CNTN1: variants seen among roughly 807,000 people sequenced by gnomAD.
CNTN1 encodes the protein contactin 1.
A neutral mutation model predicts 126.4 loss-of-function variants in CNTN1; 38 were observed. The ratio of observed to expected loss-of-function variants is 0.30; its 90% CI spans 0.23 to 0.39. The LOEUF is 0.39. Among genes scored for constraint, CNTN1 ranks in the 10% least tolerant of loss-of-function variants. CNTN1 has a pLI of 1.00. For synonymous variants in CNTN1, 413 were observed against 422.6 expected, an observed-to-expected ratio of 0.98 and a Z score of 0.28; for missense variants, 1,009 against 1,248.4, an observed-to-expected ratio of 0.81 and a Z score of 2.89.
chr12:40,767,617 TTTGTTTGTTTG>T (rs1565707517), intron 1 of CNTN1, among the ~76,000 whole-genome samples: 1 of 24,612 alleles, frequency 4.1e-5, no homozygotes, highest in African/African-American at 1.6e-4. Flanking sequence ...CCTTTTTTTG[TTTGTTTGTTTG>T]TTTGTTTGTT....
intron 17 of CNTN1, among the ~76,000 whole-genome samples, chr12:41,006,741 C>G (rs1054367524): frequency 6.6e-6 from 1 of 152,206 alleles, no homozygotes; most frequent in Non-Finnish European, 1.5e-5. Flanking sequence ...AATATTTCAT[C>G]TCTTTGAAAT....
intron 1 of CNTN1, among the ~76,000 whole-genome samples, chr12:40,849,948 T>C (rs1304856334): frequency 6.6e-6 from 1 of 152,022 alleles, no homozygotes; most frequent in Non-Finnish European, 1.5e-5. Flanking sequence ...CTGTATTCTG[T>C]GAAACATAGA....
At chr12:40,696,224 C>T (rs1941449286) in intron 1 of CNTN1, among the ~76,000 whole-genome samples, 1 of 152,220 alleles carries the variant, frequency 6.6e-6, no homozygotes, top group Admixed American at 6.5e-5. Context: ...CATCAATAGG[C>T]ATCATTCCTA....
At chr12:40,810,613 T>G (rs1941026003) in intron 1 of CNTN1, among the ~76,000 whole-genome samples, 2 of 151,670 alleles carry the variant, frequency 1.3e-5, no homozygotes, top group Non-Finnish European at 2.9e-5. Context: ...TTTTTTAGAT[T>G]TCACATATAA....
chr12:41,019,793 A>G (rs1017881488), intron 19 of CNTN1, among the ~76,000 whole-genome samples: 1 of 152,150 alleles, frequency 6.6e-6, no homozygotes, highest in Non-Finnish European at 1.5e-5. Context: ...GCTTGAACAT[A>G]AAAAGGGAAG....
intron 15 of CNTN1, chr12:40,971,989 CT>C (rs1305080785): frequency 1.0e-6 from 1 of 1,000,642 alleles, no homozygotes; most frequent in Non-Finnish European, 1.2e-6. Context: ...CTCCGGCAGT[CT>C]TTTTTTCTTA....
rs1304322874 is a variant in CNTN1 at position 41,071,010 on chromosome 12, T to G, written c.*975T>G. The stretch of plus-strand genomic sequence containing the variant: ...GCTTCATTCCTAAGTATTACGTTTC[T>G]TTATTGCAGATGTCAGATCAAAAAG... On this transcript the variant is annotated 3_prime_UTR_variant, in exon 24 of 24. Transcript: ENST00000551295. 6.6e-6 allele frequency: 1 copy of G among 152,040 alleles called. No homozygotes were observed. Among genetic ancestry groups the G allele is most frequent in the East Asian group, 1.9e-4 (1 of 5,196 alleles). 9.4% of individuals were successfully genotyped at this position (152,040 alleles called of 1,614,324 possible).
At chr12:40,824,616 A>G (rs901479412) in intron 1 of CNTN1, among the ~76,000 whole-genome samples, 5 of 152,142 alleles carry the variant, frequency 3.3e-5, no homozygotes, top group African/African-American at 1.2e-4. Context: ...CTAAAGAAAG[A>G]TAGATATTTA....
intron 6 of CNTN1, among the ~76,000 whole-genome samples, chr12:40,927,336 A>C (rs1945730909): frequency 6.6e-6 from 1 of 152,098 alleles, no homozygotes; most frequent in Non-Finnish European, 1.5e-5. Context: ...CCTTGAAAGA[A>C]CTAGATCAGG....
chr12:40,930,050 A>T (rs1945830535), intron 7 of CNTN1, 48 bp downstream of exon 7: 2 of 1,327,484 alleles, frequency 1.5e-6, no homozygotes, highest in Non-Finnish European at 2.2e-6. Flanking sequence ...TTATCTACAT[A>T]TGGTATACTT....
At chr12:40,984,545 T>C (rs1947906444) in intron 16 of CNTN1, among the ~76,000 whole-genome samples, 1 of 152,124 alleles carries the variant, frequency 6.6e-6, no homozygotes, top group African/African-American at 2.4e-5. Flanking sequence ...TAACAATCAG[T>C]TCTTGCATGA....
chr12:40,746,996 C>T (rs1326888182), intron 1 of CNTN1, among the ~76,000 whole-genome samples: 1 of 152,026 alleles, frequency 6.6e-6, no homozygotes, highest in African/African-American at 2.4e-5. Flanking sequence ...CTGATGGTTG[C>T]CTGACATTCC....
intron 15 of CNTN1, chr12:40,972,624 A>G: frequency 1.1e-6 from 1 of 906,640 alleles, no homozygotes; most frequent in Non-Finnish European, 1.3e-6. Context: ...TCTCTGGCTC[A>G]AGATGTTACT....
chr12:40,854,006 C>T (rs1443186374), intron 1 of CNTN1, among the ~76,000 whole-genome samples: 2 of 148,588 alleles, frequency 1.3e-5, no homozygotes, highest in Non-Finnish European at 3.0e-5. Flanking sequence ...CTTTTTTCAA[C>T]ACTTCTTTTA....
chr12:40,823,315 C>A (rs1176461268), intron 1 of CNTN1, among the ~76,000 whole-genome samples: 3 of 152,162 alleles, frequency 2.0e-5, no homozygotes, highest in Non-Finnish European at 4.4e-5. Flanking sequence ...CAGCTTGATG[C>A]AGTGAAAGAG....
At chr12:40,921,759 A>C (rs1050851138) in intron 4 of CNTN1, among the ~76,000 whole-genome samples, 2 of 152,194 alleles carry the variant, frequency 1.3e-5, no homozygotes, top group Non-Finnish European at 2.9e-5. Flanking sequence ...ACTGACCTCT[A>C]GTGGTCAGAA....
intron 1 of CNTN1, among the ~76,000 whole-genome samples, chr12:40,777,607 GA>G (rs1335404985): frequency 6.6e-6 from 1 of 151,644 alleles, no homozygotes; most frequent in Non-Finnish European, 1.5e-5. Context: ...AATTTTTTAA[GA>G]AAAATATATT....
intron 17 of CNTN1, among the ~76,000 whole-genome samples, chr12:40,993,501 A>G (rs2120508119): frequency 6.6e-6 from 1 of 152,166 alleles, no homozygotes; most frequent in East Asian, 1.9e-4. Context: ...TTAAGAATAT[A>G]TTAATTAAGA....
At chr12:41,021,992 A>T (rs917980367) in intron 20 of CNTN1, among the ~76,000 whole-genome samples, 10 of 152,106 alleles carry the variant, frequency 6.6e-5, no homozygotes, top group Non-Finnish European at 1.3e-4. Context: ...AAAAAGGATA[A>T]TTTAACATAT....
Sources: gnomAD v4.1 joint callset for allele counts (sites outside exome capture counted in the v4.1 genomes callset) on GRCh38, gnomAD v4.1.1 for gene constraint, MANE v1.5 for transcripts, NCBI Gene and HGNC (gene_info 2026-07-23, HGNC 2026-07-21) for gene names.